Variants in CRACD observed in about 807,000 individuals in gnomAD.
CRACD encodes the protein capping protein-inhibiting regulator of actin dynamics.
CRACD carries 56 observed loss-of-function variants against 106.8 expected under a neutral mutation model. That is an observed-to-expected ratio of 0.52 (90% CI 0.42 to 0.66). CRACD has a LOEUF of 0.66. Ranked by LOEUF, CRACD falls within the 30% of genes least tolerant of loss-of-function variation. The pLI is 0.00. For missense variants in CRACD, 1,730 were observed against 1,623.2 expected, an observed-to-expected ratio of 1.07 and a Z score of -1.13; for synonymous variants, 754 against 670.8, an observed-to-expected ratio of 1.12 and a Z score of -1.92.
At chr4:56,119,152 C>A (rs887311165) in intron 1 of CRACD, among the ~76,000 whole-genome samples, 8 of 152,210 alleles carry the variant, frequency 5.3e-5, no homozygotes, top group African/African-American at 1.9e-4. Flanking sequence ...TCATATAATT[C>A]TCCAAAAAAC....
At chr4:56,076,886 A>G (rs1284235865) in intron 1 of CRACD, among the ~76,000 whole-genome samples, 1 of 152,222 alleles carries the variant, frequency 6.6e-6, no homozygotes, top group Admixed American at 6.5e-5. Context: ...AAATAATATC[A>G]TATAGCTAAT....
chr4:56,316,392 G>A lies in CRACD; in HGVS notation c.2890G>A (p.Ala964Thr), dbSNP rs749586718. The change falls in exon 8 of 11, where the codon GCT (alanine) becomes ACT (threonine). Residue 964 changes from alanine (A) to threonine (T), a missense_variant. By Grantham distance (58) the Ala-to-Thr change is moderately conservative (BLOSUM62 0). Coordinates refer to ENST00000682029, the MANE Select transcript of CRACD (RefSeq NM_001393381.1). Reference sequence around the variant, plus strand: ...GCCACTGGCACAAAAGCCAGCACTGGCTCCCAAGCCCACCAGTCAGACCCC... The same window carrying A: ...GCCACTGGCACAAAAGCCAGCACTGACTCCCAAGCCCACCAGTCAGACCCC... ...KMPLAQKPAL[A>T]PKPTSQTPPA... 12 of 1,614,022 alleles carry A rather than the reference G, an allele frequency of 7.4e-6. No individual in the cohort carries two copies. Among genetic ancestry groups the A allele is most frequent in the Non-Finnish European group, 9.3e-6 (11 of 1,179,974 alleles).
chr4:56,209,526 T>C (rs912283736), intron 2 of CRACD, among the ~76,000 whole-genome samples: 1 of 152,092 alleles, frequency 6.6e-6, no homozygotes, highest in Non-Finnish European at 1.5e-5. Flanking sequence ...GTGAAATCCC[T>C]AGGAAGTAAT....
chr4:56,092,571 T>A (rs576133636), intron 1 of CRACD, among the ~76,000 whole-genome samples: 1 of 152,174 alleles, frequency 6.6e-6, no homozygotes, highest in Non-Finnish European at 1.5e-5. Flanking sequence ...CAAAATACAT[T>A]TCACTGGCTT....
intron 1 of CRACD, among the ~76,000 whole-genome samples, chr4:56,091,394 G>A (rs543864145): frequency 3.3e-5 from 5 of 149,328 alleles, no homozygotes; most frequent in African/African-American, 1.2e-4. Context: ...GCAGGCATAT[G>A]TAACAGGGGG....
chr4:56,291,908 C>A (rs1245991771), intron 3 of CRACD, among the ~76,000 whole-genome samples: 3 of 152,126 alleles, frequency 2.0e-5, no homozygotes, highest in African/African-American at 4.8e-5. Flanking sequence ...ATAAAGATAC[C>A]TGAAAATGTC....
At chr4:56,180,536 A>C (rs1736777586) in intron 2 of CRACD, among the ~76,000 whole-genome samples, 1 of 150,236 alleles carries the variant, frequency 6.7e-6, no homozygotes, top group South Asian at 2.1e-4. Flanking sequence ...AAATAAATAG[A>C]TAGATAGCAT....
At chr4:56,227,660 G>A (rs4865070) in intron 2 of CRACD, among the ~76,000 whole-genome samples, 29,266 of 152,154 alleles carry the variant, frequency 0.19, 3,666 homozygotes, top group East Asian at 0.58. Context: ...GCAGTGCACA[G>A]ATAGCCACAG....
At chr4:56,062,563 A>G (rs542915830) in intron 1 of CRACD, among the ~76,000 whole-genome samples, 15 of 152,324 alleles carry the variant, frequency 9.8e-5, no homozygotes, top group African/African-American at 2.6e-4. Flanking sequence ...ATTGAGGATT[A>G]TTCACATGGA....
At chr4:56,252,890 C>T (rs557733399) in intron 2 of CRACD, among the ~76,000 whole-genome samples, 1 of 152,282 alleles carries the variant, frequency 6.6e-6, no homozygotes, top group Admixed American at 6.5e-5. Flanking sequence ...TTAAAAGGAA[C>T]CCTGAGCGGT....
intron 3 of CRACD, among the ~76,000 whole-genome samples, chr4:56,285,313 C>T (rs557062097): frequency 7.2e-5 from 11 of 152,260 alleles, no homozygotes; most frequent in South Asian, 4.1e-4. Context: ...AACCGAATTT[C>T]GAGACTGGCA....
chr4:56,266,517 A>G (rs1742029544), intron 2 of CRACD, among the ~76,000 whole-genome samples: 1 of 152,254 alleles, frequency 6.6e-6, no homozygotes, highest in African/African-American at 2.4e-5. Flanking sequence ...ATGCCATCTT[A>G]AATAGTACAG....
intron 2 of CRACD, among the ~76,000 whole-genome samples, chr4:56,188,622 C>CCT (rs140815351): frequency 0.031 from 3,709 of 121,000 alleles, 69 homozygotes; most frequent in South Asian, 0.05. Flanking sequence ...ATCTGTCTAG[C>CCT]CTCTCTCTCT....
chr4:56,132,732 A>G (rs938057901), intron 1 of CRACD, among the ~76,000 whole-genome samples: 1 of 152,182 alleles, frequency 6.6e-6, no homozygotes, highest in African/African-American at 2.4e-5. Flanking sequence ...GGGCAGACAC[A>G]TCATTTCCAA....
At chr4:56,097,158 C>T (rs1050561183) in intron 1 of CRACD, among the ~76,000 whole-genome samples, 7 of 151,916 alleles carry the variant, frequency 4.6e-5, no homozygotes, top group African/African-American at 1.7e-4. Flanking sequence ...GTCCATGGGC[C>T]CAGCTACAGG....
rs143067542 is a variant in CRACD at position 56,160,622 on chromosome 4, C to T, written c.-335-18662C>T. Among the ~76,000 whole-genome samples, 176 of 152,360 alleles carry T rather than the reference C, an allele frequency of 1.2e-3. 1 individual carries two copies. The highest frequency in any genetic ancestry group is 4.1e-3 in the African/African-American group (171 of 41,588). On this transcript the variant is annotated intron_variant, in intron 1 of 10. Coordinates refer to ENST00000682029, the MANE Select transcript of CRACD (RefSeq NM_001393381.1). Reference sequence around the variant, plus strand: ...AAAAGGGCACTGAATGCAGGTTTGACTTGGGCTTTTGCCCCATCAGCTATG... The same window carrying T: ...AAAAGGGCACTGAATGCAGGTTTGATTTGGGCTTTTGCCCCATCAGCTATG...
At position 56,276,237 on chromosome 4, in the gene CRACD, G is replaced by A. The variant is rs75526791; in HGVS notation, c.-17+3745G>A. On this transcript the variant is annotated intron_variant, in intron 3 of 10. Coordinates refer to ENST00000682029, the MANE Select transcript of CRACD (RefSeq NM_001393381.1). The stretch of plus-strand genomic sequence containing the variant: ...CAACTAATATTATGTTCCCAAAGGC[G>A]TGTTAAAACAGTTGTTAAATTTTAA... Among the ~76,000 whole-genome samples the A allele has an allele frequency of 1.7e-3, 252 of 152,248 alleles. 1 individual carries two copies. The East Asian group carries it at 0.041, about 25-fold the overall frequency.
chr4:56,178,013 C>T (rs1455896551), intron 1 of CRACD, among the ~76,000 whole-genome samples: 2 of 152,090 alleles, frequency 1.3e-5, no homozygotes, highest in Non-Finnish European at 2.9e-5. Context: ...TGTTTATGCT[C>T]TAATCTTTAT....
At chr4:56,225,359 G>A (rs1739247015) in intron 2 of CRACD, among the ~76,000 whole-genome samples, 2 of 152,188 alleles carry the variant, frequency 1.3e-5, no homozygotes, top group Non-Finnish European at 2.9e-5. Flanking sequence ...CTCCCAAAGT[G>A]CTGGGATTAC....
Sources: allele counts gnomAD v4.1 joint callset (sites outside exome capture counted in the v4.1 genomes callset), GRCh38; gene constraint gnomAD v4.1.1; transcripts MANE v1.5; gene names NCBI Gene and HGNC (gene_info 2026-07-23, HGNC 2026-07-21).